Variants in NAALADL2 observed in about 807,000 individuals in gnomAD.
The protein encoded by NAALADL2 is inactive N-acetylated-alpha-linked acidic dipeptidase-like protein 2.
A neutral mutation model predicts 87.2 loss-of-function variants in NAALADL2; 76 were observed. The observed-to-expected ratio is 0.87, with a 90% CI of 0.72 to 1.05. The LOEUF is 1.05. NAALADL2 is among the 50% of genes least tolerant of loss of function. The pLI, the probability that NAALADL2 is intolerant of heterozygous loss-of-function variation, is 0.00. For synonymous variants in NAALADL2, 354 were observed against 331.0 expected (o/e 1.07, Z -0.75); for missense variants, 1,089 against 945.8 (o/e 1.15, Z -1.99).
At chr3:175,387,309 A>T (rs556613890) in intron 5 of NAALADL2, among the ~76,000 whole-genome samples, 1 of 152,116 alleles carries the variant, frequency 6.6e-6, no homozygotes, top group Non-Finnish European at 1.5e-5. Context: ...GAGTATTACA[A>T]AATTAAAGTG....
chr3:175,730,413 T>TATATATATATATATATATATATAG (rs1743543977), intron 11 of NAALADL2, among the ~76,000 whole-genome samples: 1 of 95,140 alleles, frequency 1.1e-5, no homozygotes, highest in Non-Finnish European at 2.2e-5. Context: ...TATATATATA[T>TATATATATATATATATATATATAG]ATATATATAT....
intron 2 of NAALADL2, among the ~76,000 whole-genome samples, chr3:175,193,265 G>A (rs1379315234): frequency 6.6e-6 from 1 of 151,094 alleles, no homozygotes; most frequent in East Asian, 1.9e-4. Context: ...TTTTCTTATT[G>A]TAAAATGGGG....
chr3:175,491,542 C>T lies in NAALADL2; in HGVS notation c.1653+19784C>T, dbSNP rs1264601094. 2.0e-5 allele frequency among the ~76,000 whole-genome samples: 3 copies of T among 152,054 alleles called. No individual in the cohort carries two copies. In the South Asian group the frequency reaches 6.2e-4, roughly 32 times the overall value. ...CACAGCTGAAAGTTTAAAAATCATT[C>T]CCGATATATGTTTCTAGTTATTTAC... is the stretch of plus-strand genomic sequence containing the variant. On this transcript the variant is annotated intron_variant, in intron 9 of 13. Transcript: ENST00000454872.
At chr3:175,046,736 C>A (rs1190323916) in intron 1 of NAALADL2, among the ~76,000 whole-genome samples, 1 of 152,146 alleles carries the variant, frequency 6.6e-6, no homozygotes. Flanking sequence ...ATTTCAAGAA[C>A]AACAGCCAGC....
intron 1 of NAALADL2, among the ~76,000 whole-genome samples, chr3:175,020,000 A>T (rs544025071): frequency 1.3e-5 from 2 of 151,978 alleles, no homozygotes; most frequent in Admixed American, 1.3e-4. Context: ...CCATTTTTTG[A>T]CTGAATCCCA....
intron 1 of NAALADL2, among the ~76,000 whole-genome samples, chr3:175,085,624 G>C (rs1321925560): frequency 6.6e-6 from 1 of 152,076 alleles, no homozygotes; most frequent in Admixed American, 6.6e-5. Flanking sequence ...AAGACATGTG[G>C]TTAAGATATA....
At chr3:174,879,810 C>T (rs1386978839) in intron 1 of NAALADL2, among the ~76,000 whole-genome samples, 1 of 152,014 alleles carries the variant, frequency 6.6e-6, no homozygotes, top group African/African-American at 2.4e-5. Context: ...CAAGCATTTG[C>T]TCCAACTATA....
chr3:174,551,854 A>C (rs1194949994), intron 2 of NAALADL2, among the ~76,000 whole-genome samples: 1 of 152,190 alleles, frequency 6.6e-6, no homozygotes, highest in Non-Finnish European at 1.5e-5. Flanking sequence ...AAGATACCTG[A>C]AATCTATTTT....
chr3:174,562,269 C>T (rs1203919475), intron 2 of NAALADL2, among the ~76,000 whole-genome samples: 13 of 151,984 alleles, frequency 8.6e-5, no homozygotes. Flanking sequence ...ATGATTAAAC[C>T]TATTCATACA....
chr3:175,333,176 A>T (rs1761598534), intron 5 of NAALADL2, among the ~76,000 whole-genome samples: 1 of 152,134 alleles, frequency 6.6e-6, no homozygotes. Flanking sequence ...TCAATGGGCC[A>T]GTCCTCTGGC....
chr3:174,634,020 G>T (rs1005683003), intron 2 of NAALADL2, among the ~76,000 whole-genome samples: 8 of 152,084 alleles, frequency 5.3e-5, no homozygotes, highest in African/African-American at 1.7e-4. Context: ...TTATTGAATT[G>T]CTCAGATGAT....
intron 1 of NAALADL2, among the ~76,000 whole-genome samples, chr3:174,913,600 C>T (rs1257962919): frequency 6.6e-6 from 1 of 152,096 alleles, no homozygotes; most frequent in Non-Finnish European, 1.5e-5. Context: ...AATCAGTTTA[C>T]AGCTCTCAAA....
chr3:174,952,770 G>A (rs1329880052), intron 1 of NAALADL2, among the ~76,000 whole-genome samples: 1 of 152,242 alleles, frequency 6.6e-6, no homozygotes, highest in East Asian at 1.9e-4. Flanking sequence ...TTATATCTGG[G>A]TATAAGGAAG....
chr3:175,718,202 T>TTTTG, intron 11 of NAALADL2: 1 of 606,368 alleles, frequency 1.6e-6, no homozygotes, highest in Non-Finnish European at 2.5e-6. Flanking sequence ...GTGGTTTTTT[T>TTTTG]TTTTTTTTTT....
intron 4 of NAALADL2, among the ~76,000 whole-genome samples, chr3:175,293,685 C>G (rs924948171): frequency 6.6e-6 from 1 of 152,154 alleles, no homozygotes; most frequent in African/African-American, 2.4e-5. Flanking sequence ...TTCACTCTTT[C>G]TGCTATGTGA....
chr3:175,127,429 G>A (rs1727138859), intron 2 of NAALADL2, among the ~76,000 whole-genome samples: 1 of 152,096 alleles, frequency 6.6e-6, no homozygotes, highest in Non-Finnish European at 1.5e-5. Context: ...ACTGACATGG[G>A]ACACCTTTGG....
At chr3:175,073,960 C>T (rs1314293033) in intron 1 of NAALADL2, among the ~76,000 whole-genome samples, 1 of 151,932 alleles carries the variant, frequency 6.6e-6, no homozygotes, top group Non-Finnish European at 1.5e-5. Flanking sequence ...TTTTTCTTTC[C>T]ATGCACCATC....
intron 5 of NAALADL2, among the ~76,000 whole-genome samples, chr3:175,383,723 G>C (rs974722119): frequency 3.9e-5 from 6 of 152,026 alleles, no homozygotes; most frequent in African/African-American, 1.4e-4. Flanking sequence ...AATTAAACCA[G>C]AGAAGTTCTT....
intron 5 of NAALADL2, among the ~76,000 whole-genome samples, chr3:175,429,639 C>T (rs771761979): frequency 2.6e-5 from 4 of 151,970 alleles, no homozygotes; most frequent in East Asian, 1.9e-4. Flanking sequence ...TGGAAACCTT[C>T]GCACATATGC....
Sources: allele counts gnomAD v4.1 joint callset (sites outside exome capture counted in the v4.1 genomes callset), GRCh38; gene constraint gnomAD v4.1.1; transcripts MANE v1.5; gene names NCBI Gene and HGNC (gene_info 2026-07-23, HGNC 2026-07-21).